Variants in PCDH15 observed in about 807,000 individuals in gnomAD.
The protein encoded by PCDH15 is protocadherin related 15.
Under a neutral mutation model 178.5 loss-of-function variants are expected in PCDH15, and 129 were observed. That is an observed-to-expected ratio of 0.72 (90% CI 0.63 to 0.84). PCDH15 has a LOEUF of 0.84. PCDH15 is among the 40% of genes least tolerant of loss of function. The pLI is 0.00. For missense variants in PCDH15, 2,230 were observed against 2,099.9 expected, an observed-to-expected ratio of 1.06 and a Z score of -1.21; for synonymous variants, 800 against 732.0, an observed-to-expected ratio of 1.09 and a Z score of -1.50.
chr10:53,863,308 A>G (rs1183145318), intron 27 of PCDH15, among the ~76,000 whole-genome samples: 1 of 152,204 alleles, frequency 6.6e-6, no homozygotes, highest in Non-Finnish European at 1.5e-5. Flanking sequence ...GAAGAAAATG[A>G]ACCAGTGAAG....
At chr10:55,222,969 A>G (rs1334889808) in intron 1 of PCDH15, among the ~76,000 whole-genome samples, 1 of 151,784 alleles carries the variant, frequency 6.6e-6, no homozygotes, top group African/African-American at 2.4e-5. Context: ...TTCTTTACAC[A>G]TTCTTTAAAT....
intron 2 of PCDH15, among the ~76,000 whole-genome samples, chr10:55,448,375 T>A (rs1002424939): frequency 6.6e-6 from 1 of 151,996 alleles, no homozygotes; most frequent in Admixed American, 6.6e-5. Flanking sequence ...ACCTATATTT[T>A]CAAAGTACAA....
chr10:53,823,848 ATCCTGTTC>A (rs777718430), intron 32 of PCDH15: 1 of 451,044 alleles, frequency 2.2e-6, no homozygotes, highest in Middle Eastern at 3.3e-4. Flanking sequence ...CATGTGGAAT[ATCCTGTTC>A]TCCAAATTAA....
chr10:54,774,066 T>TCTC (rs1194935383), intron 1 of PCDH15, among the ~76,000 whole-genome samples: 1 of 131,790 alleles, frequency 7.6e-6, no homozygotes, highest in Non-Finnish European at 1.6e-5. Flanking sequence ...TCTCGCTCTG[T>TCTC]CTCCCAGGCT....
chr10:55,142,356 T>C (rs1255940751), intron 2 of PCDH15, among the ~76,000 whole-genome samples: 1 of 152,044 alleles, frequency 6.6e-6, no homozygotes, highest in Non-Finnish European at 1.5e-5. Context: ...ATTATACTGT[T>C]AACTTTATCA....
chr10:54,936,209 CA>C (rs1475552351), intron 2 of PCDH15, among the ~76,000 whole-genome samples: 1 of 152,006 alleles, frequency 6.6e-6, no homozygotes, highest in East Asian at 1.9e-4. Flanking sequence ...CATGTTGTTG[CA>C]AGCATATTTA....
intron 2 of PCDH15, among the ~76,000 whole-genome samples, chr10:55,147,049 G>A (rs1198054415): frequency 6.7e-6 from 1 of 150,316 alleles, no homozygotes; most frequent in East Asian, 1.9e-4. Context: ...ATTACCAATT[G>A]AGCAATTTAT....
chr10:54,342,311 T>C (rs1052184847), intron 6 of PCDH15, among the ~76,000 whole-genome samples: 8 of 152,184 alleles, frequency 5.3e-5, no homozygotes, highest in Non-Finnish European at 8.8e-5. Flanking sequence ...TGGCATCCTA[T>C]GTCCCTGCCA....
chr10:54,176,512 A>G (rs1429526224), intron 13 of PCDH15, among the ~76,000 whole-genome samples: 4 of 152,182 alleles, frequency 2.6e-5, no homozygotes, highest in Non-Finnish European at 5.9e-5. Context: ...ATTCCATGCT[A>G]AAAACAAGTA....
intron 37 of PCDH15, chr10:53,809,054 GC>G (rs754203301): frequency 6.2e-7 from 1 of 1,611,528 alleles, no homozygotes. Flanking sequence ...TCAACCATGG[GC>G]CTTCTTCTTG....
At chr10:55,048,630 T>G (rs1185128152) in intron 2 of PCDH15, among the ~76,000 whole-genome samples, 1 of 151,956 alleles carries the variant, frequency 6.6e-6, no homozygotes, top group Non-Finnish European at 1.5e-5. Flanking sequence ...TTTCCTAATT[T>G]TATAGATTTA....
intron 26 of PCDH15, among the ~76,000 whole-genome samples, chr10:53,876,479 C>T (rs536333016): frequency 6.6e-6 from 1 of 152,076 alleles, no homozygotes; most frequent in Non-Finnish European, 1.5e-5. Flanking sequence ...AGCCACCGCG[C>T]CCGGCCAACT....
chr10:53,853,168 G>A (rs958706357), intron 28 of PCDH15, among the ~76,000 whole-genome samples: 2 of 151,302 alleles, frequency 1.3e-5, no homozygotes, highest in African/African-American at 4.9e-5. Context: ...AGACATGGAA[G>A]GGACAATTTC....
At chr10:54,335,342 G>A (rs959554865) in intron 6 of PCDH15, among the ~76,000 whole-genome samples, 1 of 152,176 alleles carries the variant, frequency 6.6e-6, no homozygotes, top group Non-Finnish European at 1.5e-5. Flanking sequence ...AGGTGGCCAT[G>A]CCTGAGTGAC....
At chr10:54,208,590 T>G (rs1469900058) in intron 10 of PCDH15, among the ~76,000 whole-genome samples, 7 of 152,004 alleles carry the variant, frequency 4.6e-5, no homozygotes, top group Non-Finnish European at 1.0e-4. Context: ...AAAAGGAACC[T>G]AACTAGAACC....
chr10:54,167,363 C>T (rs1465585075), intron 13 of PCDH15, among the ~76,000 whole-genome samples: 1 of 152,162 alleles, frequency 6.6e-6, no homozygotes, highest in African/African-American at 2.4e-5. Flanking sequence ...TCTCCCTTCT[C>T]TTAATTTCAA....
intron 3 of PCDH15, among the ~76,000 whole-genome samples, chr10:54,523,572 T>A (rs2083095583): frequency 6.6e-6 from 1 of 152,196 alleles, no homozygotes; most frequent in African/African-American, 2.4e-5. Context: ...TACATTTAGT[T>A]GAATTACATA....
intron 1 of PCDH15, among the ~76,000 whole-genome samples, chr10:55,201,107 C>T (rs895390969): frequency 6.6e-6 from 1 of 152,068 alleles, no homozygotes; most frequent in Non-Finnish European, 1.5e-5. Context: ...TGAGGCCAAA[C>T]AATGAGTTCC....
chr10:55,218,799 C>A (rs542388031), intron 1 of PCDH15, among the ~76,000 whole-genome samples: 23 of 152,172 alleles, frequency 1.5e-4, no homozygotes, highest in African/African-American at 5.3e-4. Flanking sequence ...AGAGATAAAG[C>A]TCTGTGACCC....
Sources: allele counts gnomAD v4.1 joint callset (sites outside exome capture counted in the v4.1 genomes callset), GRCh38; gene constraint gnomAD v4.1.1; transcripts MANE v1.5; gene names NCBI Gene and HGNC (gene_info 2026-07-23, HGNC 2026-07-21).